ATP13A1: variants seen among roughly 807,000 people sequenced by gnomAD.
ATP13A1 encodes the protein endoplasmic reticulum transmembrane helix translocase.
In ATP13A1, 55 loss-of-function variants were observed where a neutral mutation model predicts 134.8. The ratio of observed to expected loss-of-function variants is 0.41; its 90% CI spans 0.33 to 0.51. The LOEUF (loss-of-function observed/expected upper bound fraction) is 0.51. Ranked by LOEUF, ATP13A1 falls within the 20% of genes least tolerant of loss-of-function variation. ATP13A1 has a pLI of 0.29. For synonymous variants in ATP13A1, 775 were observed against 725.1 expected (o/e 1.07, Z -1.10); for missense variants, 1,389 against 1,652.8 (o/e 0.84, Z 2.77).
chr19:19,645,927 C>T lies in ATP13A1; in HGVS notation c.3307G>A (p.Val1103Ile), dbSNP rs763580040. The change falls in exon 24 of 26, where the codon GTC (valine) becomes ATC (isoleucine). Residue 1103 changes from valine (V) to isoleucine (I), a missense_variant. Around this residue, in one of 4 missense-constraint regions of ATP13A1, gnomAD observed 228 missense variants for 321.0 expected, o/e 0.71. Transcript: ENST00000357324. The surrounding 1 kb of genome is among the most constrained non-coding windows in gnomAD (Gnocchi z 4.1). ...EFEPSLVNST[V>I]YIMAMAMQMA... Reference sequence around the variant, plus strand: ...TGCATGGCCATGGCCATGATGTAGACGGTGCTGTTGACCAGGCTTGGCTCA... The same window carrying T: ...TGCATGGCCATGGCCATGATGTAGATGGTGCTGTTGACCAGGCTTGGCTCA... 1.8e-5 allele frequency: 29 copies of T among 1,613,668 alleles called. No individual in the cohort carries two copies. The highest frequency in any genetic ancestry group is 1.3e-4 in the South Asian group (12 of 91,094).
intron 12 of ATP13A1, 144 bp downstream of exon 12, chr19:19,654,975 T>C: frequency 7.4e-7 from 1 of 1,345,482 alleles, no homozygotes; most frequent in Non-Finnish European, 1.0e-6. Context: ...CCCAGGACTT[T>C]GTGGGGAGCC....
At chr19:19,662,230 T>C (rs2062099412) in intron 1 of ATP13A1, 1 of 1,512,068 alleles carries the variant, frequency 6.6e-7, no homozygotes, top group African/African-American at 1.4e-5. Flanking sequence ...CTCATTGGTG[T>C]CTTTCATTGT....
rs1018801797 is a variant in ATP13A1 at position 19,646,410 on chromosome 19, C to G, written c.3106-63G>C. 3.0e-5 allele frequency: 48 copies of G among 1,593,580 alleles called. No individual in the cohort carries two copies. The South Asian group carries it at 4.8e-4, about 16-fold the overall frequency. On this transcript the variant is annotated intron_variant, in intron 22 of 25. Coordinates refer to ENST00000357324, the MANE Select transcript of ATP13A1 (RefSeq NM_020410.3). ...CTCACTTGGGGCCACCCTGCCCACA[C>G]AGCAGGCAGTAACATCCCCTGCCTC...
intron 22 of ATP13A1, 179 bp from the exon 23 acceptor site, chr19:19,646,526 G>A: frequency 2.6e-6 from 2 of 764,028 alleles, no homozygotes; most frequent in Non-Finnish European, 4.2e-6. Flanking sequence ...TCTCACCCCT[G>A]AGCCCAGGGC....
intron 16 of ATP13A1, 41 bp from the exon 17 acceptor site, chr19:19,651,838 G>C: frequency 6.7e-7 from 1 of 1,494,814 alleles, no homozygotes; most frequent in African/African-American, 1.4e-5. Context: ...GGCACCCTGG[G>C]GCCAAGCTCT....
chr19:19,662,227 G>A, intron 1 of ATP13A1: 1 of 1,517,216 alleles, frequency 6.6e-7, no homozygotes. Context: ...TCCCTCATTG[G>A]TGTCTTTCAT....
chr19:19,657,337 T>C lies in ATP13A1; in HGVS notation c.749A>G (p.Gln250Arg). The change falls in exon 4 of 26, where the codon CAG becomes CGG. Residue 250 changes from glutamine to arginine, a missense_variant and splice_region_variant. Transcript: ENST00000357324. ...GATGGGCCAGAGCTGCTGCTTTACC[T>C]GAAATACAAAGAAGGGGGCTGTGGC... ...ERATAPFFVF[Q>R]VFCVGLWCLD... 1 of 1,569,694 alleles carries C rather than the reference T, an allele frequency of 6.4e-7. No individual in the cohort carries two copies. Among genetic ancestry groups the C allele is most frequent in the Non-Finnish European group, 8.6e-7 (1 of 1,156,850 alleles).
In ATP13A1 at chr19:19,655,939, G is replaced by A. The variant is rs563653604; in HGVS notation, c.1214-6C>T. On this transcript the variant is annotated splice_region_variant and splice_polypyrimidine_tract_variant and intron_variant, in intron 8 of 25. Coordinates refer to ENST00000357324, the MANE Select transcript of ATP13A1 (RefSeq NM_020410.3). This position sits in a 1 kb window ranked among gnomAD's most constrained non-coding sequence, Gnocchi z 5.7. Reference sequence around the variant, plus strand: ...CACGCACCCGCTGTCAACCGCTGGGGAGAGAAGCAGAGTCACCGTCATGCC... The same window carrying A: ...CACGCACCCGCTGTCAACCGCTGGGAAGAGAAGCAGAGTCACCGTCATGCC... 7 of 1,603,570 alleles carry A rather than the reference G, an allele frequency of 4.4e-6. No individual in the cohort carries two copies. In the South Asian group the frequency reaches 7.8e-5, roughly 18 times the overall value.
intron 1 of ATP13A1, among the ~76,000 whole-genome samples, chr19:19,662,925 C>A (rs2062103344): frequency 1.3e-5 from 2 of 152,138 alleles, no homozygotes; most frequent in South Asian, 2.1e-4. Context: ...GTTTCCAGAA[C>A]AAGAGTAGTC....
At chr19:19,662,299 G>A (rs555244004) in intron 1 of ATP13A1, 1 of 985,414 alleles carries the variant, frequency 1.0e-6, no homozygotes, top group Non-Finnish European at 1.2e-6. Context: ...CTTTTTGAAG[G>A]ACAGAACAGG....
At position 19,645,656 on chromosome 19, in the gene ATP13A1, G is replaced by T; in HGVS notation, c.3495C>A (p.Ile1165=). 1 of 1,570,262 alleles carries T rather than the reference G, an allele frequency of 6.4e-7. No individual in the cohort carries two copies. Among genetic ancestry groups the T allele is most frequent in the East Asian group, 2.4e-5 (1 of 42,276 alleles). Reference sequence around the variant, plus strand: ...CCACAGGGCCACTGACCTCCACAGGGATGTCCACGAGGCCAAACTGGCTGT... The same window carrying T: ...CCACAGGGCCACTGACCTCCACAGGTATGTCCACGAGGCCAAACTGGCTGT... ...DFNSQFGLVD[I]PVEFKLVIAQ... is the part of the protein sequence containing the mutation. Residue 1165 remains isoleucine (I), a synonymous_variant, in exon 25 of 26, where the codon ATC becomes ATA. Coordinates refer to ENST00000357324, the MANE Select transcript of ATP13A1 (RefSeq NM_020410.3). The surrounding 1 kb of genome is among the most constrained non-coding windows in gnomAD (Gnocchi z 4.1).
At chr19:19,648,137 G>A (rs781595690) in intron 19 of ATP13A1, among the ~76,000 whole-genome samples, 7 of 151,884 alleles carry the variant, frequency 4.6e-5, no homozygotes, top group Non-Finnish European at 8.8e-5. Flanking sequence ...TGGCTGATAC[G>A]GCGAAACCCC....
At chr19:19,658,839 A>C (rs1242453885) in intron 3 of ATP13A1, among the ~76,000 whole-genome samples, 1 of 152,240 alleles carries the variant, frequency 6.6e-6, no homozygotes, top group Non-Finnish European at 1.5e-5. Flanking sequence ...GCAGTGACTC[A>C]TGCCTGTAAT....
At chr19:19,661,682 C>T (rs2062095269) in intron 1 of ATP13A1, among the ~76,000 whole-genome samples, 2 of 152,192 alleles carry the variant, frequency 1.3e-5, no homozygotes, top group Admixed American at 6.5e-5. Context: ...TTGAATGGAA[C>T]TCGTTCAGTG....
chr19:19,653,947 C>T lies in ATP13A1; in HGVS notation c.1989+22G>A, dbSNP rs368367509. On this transcript the variant is annotated intron_variant, in intron 14 of 25. Transcript: ENST00000357324. This position sits in a 1 kb window ranked among gnomAD's most constrained non-coding sequence, Gnocchi z 4.2. ...GGCTGCCCCGCGCCCCCACCCCTTG[C>T]CCCAGGCTGGGGCCAGCTCACCATG... 4.9e-5 allele frequency: 78 copies of T among 1,582,270 alleles called. 1 individual carries two copies. In the East Asian group the frequency reaches 1.8e-3, roughly 36 times the overall value.
At chr19:19,663,076 C>A (rs112396664) in intron 1 of ATP13A1, 195 bp downstream of exon 1, 5 of 812,680 alleles carry the variant, frequency 6.2e-6, no homozygotes, top group Non-Finnish European at 1.1e-5. Context: ...GGAAATAACC[C>A]GCACCAGGCA....
Position 19,654,537 on chromosome 19 carries a change from C to G in ATP13A1, c.1813+6G>C, listed in dbSNP as rs747009159. 6.2e-7 allele frequency: 1 copy of G among 1,600,068 alleles called. No homozygotes were observed. The highest frequency in any genetic ancestry group is 1.1e-5 in the South Asian group (1 of 89,972). On this transcript the variant is annotated splice_donor_region_variant and intron_variant, in intron 13 of 25. Coordinates refer to ENST00000357324, the MANE Select transcript of ATP13A1 (RefSeq NM_020410.3). ...CCTTGCTGGGCCTGAGGCCCCAGCC[C>G]CTCACCTTTGGTCAGCGTCCAGTCC...
In ATP13A1 at chr19:19,647,831, A is replaced by T. The variant is rs144504194; in HGVS notation, c.2633-72T>A. 2.1e-5 allele frequency: 32 copies of T among 1,496,250 alleles called. No individual in the cohort carries two copies. In the East Asian group the frequency reaches 7.8e-4, roughly 37 times the overall value. 92.7% of individuals were successfully genotyped at this position (1,496,250 alleles called of 1,614,324 possible). A position where few individuals can be genotyped will look rare whatever the true frequency, so the allele number is the denominator to read the frequency against. On this transcript the variant is annotated intron_variant, in intron 19 of 25. Transcript: ENST00000357324. The surrounding 1 kb of genome is among the most constrained non-coding windows in gnomAD (Gnocchi z 4.8). ...GGGGAAGATTGCTGGCTTCAGAGCCACTGGTCCTGAAGTCCCCCAGCTGGC... is the reference window on the plus strand; with the variant it reads ...GGGGAAGATTGCTGGCTTCAGAGCCTCTGGTCCTGAAGTCCCCCAGCTGGC...
At position 19,663,634 on chromosome 19, in the gene ATP13A1, C is replaced by T. The variant is rs367595809; in HGVS notation, c.33G>A (p.Val11=). ...CCCCGCAAGGCCGGGCCCCGCAGGG[C>T]ACCGCGTTGCCCACCGCCGCCGCTG... MAAAAAVGNA[V]PCGARPCGVR... The change falls in exon 1 of 26, where the codon GTG becomes GTA. Residue 11 remains valine (V), a synonymous_variant. Coordinates refer to ENST00000357324, the MANE Select transcript of ATP13A1 (RefSeq NM_020410.3). 8.2e-5 allele frequency: 108 copies of T among 1,323,734 alleles called. No homozygotes were observed. The highest frequency in any genetic ancestry group is 2.8e-4 in the Middle Eastern group (1 of 3,532). The allele number at this position is 1,323,734 out of a possible 1,614,324, so 82.0% of individuals were successfully genotyped here.
Sources: gnomAD v4.1 joint callset for allele counts (sites outside exome capture counted in the v4.1 genomes callset) on GRCh38, gnomAD v4.1.1 for gene constraint, gnomAD v4.1.1 regional missense constraint, Gnocchi (gnomAD v3.1) non-coding constraint, MANE v1.5 for transcripts, NCBI Gene and HGNC (gene_info 2026-07-23, HGNC 2026-07-21) for gene names.